The following CNTNAP2 variants were observed in gnomAD, a reference collection of about 807,000 sequenced individuals.
The protein encoded by CNTNAP2 is contactin-associated protein-like 2.
CNTNAP2 carries 98 observed loss-of-function variants against 155.2 expected under a neutral mutation model. That is an observed-to-expected ratio of 0.63 (90% CI 0.54 to 0.75). The LOEUF is 0.75. CNTNAP2 is among the 30% of genes least tolerant of loss of function. The pLI is 0.00. For synonymous variants in CNTNAP2, 651 were observed against 631.2 expected, an observed-to-expected ratio of 1.03 and a Z score of -0.47; for missense variants, 1,727 against 1,688.1, an observed-to-expected ratio of 1.02 and a Z score of -0.40.
intron 1 of CNTNAP2, among the ~76,000 whole-genome samples, chr7:146,487,981 A>G (rs1046850805): frequency 6.6e-6 from 1 of 152,206 alleles, no homozygotes; most frequent in African/African-American, 2.4e-5. Flanking sequence ...AAGTCTGAGA[A>G]GTGTTAAGAA....
chr7:147,003,882 A>C (rs1217598052), intron 3 of CNTNAP2, among the ~76,000 whole-genome samples: 1 of 151,944 alleles, frequency 6.6e-6, no homozygotes, highest in Non-Finnish European at 1.5e-5. Context: ...TTTTTTAAAA[A>C]TTATCCAGGC....
chr7:147,640,010 A>C (rs969254221), intron 13 of CNTNAP2, among the ~76,000 whole-genome samples: 3 of 151,592 alleles, frequency 2.0e-5, no homozygotes, highest in African/African-American at 7.3e-5. Flanking sequence ...TCTGTAGTAA[A>C]ACACAGTGGA....
chr7:147,945,902 T>C (rs925377280), intron 14 of CNTNAP2, among the ~76,000 whole-genome samples: 12 of 144,600 alleles, frequency 8.3e-5, no homozygotes, highest in Non-Finnish European at 1.2e-4. Flanking sequence ...AGTCTTACTC[T>C]GTCGCCCCAG....
At chr7:146,429,179 GTTC>G (rs1284141184) in intron 1 of CNTNAP2, among the ~76,000 whole-genome samples, 1 of 152,022 alleles carries the variant, frequency 6.6e-6, no homozygotes, top group Non-Finnish European at 1.5e-5. Context: ...CTCCATCATT[GTTC>G]TTTTTGCTTG....
chr7:146,862,024 C>T (rs1795111790), intron 3 of CNTNAP2, among the ~76,000 whole-genome samples: 1 of 152,004 alleles, frequency 6.6e-6, no homozygotes, highest in African/African-American at 2.4e-5. Flanking sequence ...GGTTCATCCT[C>T]TTGTATAAAG....
intron 1 of CNTNAP2, among the ~76,000 whole-genome samples, chr7:146,551,138 A>G (rs1798115382): frequency 6.6e-6 from 1 of 152,124 alleles, no homozygotes. Context: ...AGCTGGTATA[A>G]GGAAATTCTG....
At chr7:148,162,061 C>T (rs1390366645) in intron 17 of CNTNAP2, among the ~76,000 whole-genome samples, 1 of 152,078 alleles carries the variant, frequency 6.6e-6, no homozygotes, top group Non-Finnish European at 1.5e-5. Flanking sequence ...GAACAGGGTG[C>T]CAGCTTGGAT....
rs35453952 is a variant in CNTNAP2, at chr7:147,047,275, ATTT to A, written c.550+3238_550+3240del. Among the ~76,000 whole-genome samples, 719 of 111,386 alleles carry A rather than the reference ATTT, an allele frequency of 6.5e-3. 10 individuals are homozygous for A. The highest frequency in any genetic ancestry group is 0.024 in the African/African-American group (670 of 27,392). The allele number at this position is 111,386 out of a possible 152,430, so 73.1% of individuals were successfully genotyped here. ...AGGTGACCACCACCACGCCCGGCTA[ATTT>A]TTTTTTTTTTTTTTTTGTATTTTTA... On this transcript the variant is annotated intron_variant, in intron 4 of 23. Transcript: ENST00000361727.
At chr7:147,643,000 G>A (rs536945701) in intron 13 of CNTNAP2, among the ~76,000 whole-genome samples, 1 of 152,150 alleles carries the variant, frequency 6.6e-6, no homozygotes, top group Admixed American at 6.5e-5. Flanking sequence ...TTTTTAGGTT[G>A]CTTGTCAAAA....
At chr7:146,594,433 T>TGC in intron 1 of CNTNAP2, among the ~76,000 whole-genome samples, 1 of 149,458 alleles carries the variant, frequency 6.7e-6, no homozygotes, top group South Asian at 2.1e-4. Context: ...TACTAGTGTT[T>TGC]ACACACACAC....
chr7:146,534,547 T>C (rs1400586730), intron 1 of CNTNAP2, among the ~76,000 whole-genome samples: 1 of 152,094 alleles, frequency 6.6e-6, no homozygotes. Flanking sequence ...CGTAGAAAAG[T>C]TTTGTTTATC....
At chr7:146,124,033 G>A (rs1252070034) in intron 1 of CNTNAP2, among the ~76,000 whole-genome samples, 2 of 152,124 alleles carry the variant, frequency 1.3e-5, no homozygotes, top group East Asian at 3.9e-4. Context: ...TCACTCATAA[G>A]TGGGAGTTGA....
chr7:147,710,830 A>G (rs147378722), intron 13 of CNTNAP2, among the ~76,000 whole-genome samples: 1 of 152,272 alleles, frequency 6.6e-6, no homozygotes, highest in African/African-American at 2.4e-5. Flanking sequence ...GTGGTTGTGG[A>G]CATGCTTCTT....
At chr7:147,387,818 G>GT (rs1796648546) in intron 9 of CNTNAP2, among the ~76,000 whole-genome samples, 2 of 152,068 alleles carry the variant, frequency 1.3e-5, no homozygotes, top group African/African-American at 4.8e-5. Context: ...TGGTTTATGA[G>GT]TTTTTTAAAA....
At chr7:146,735,501 G>A (rs1801598204) in intron 1 of CNTNAP2, among the ~76,000 whole-genome samples, 1 of 152,116 alleles carries the variant, frequency 6.6e-6, no homozygotes, top group Non-Finnish European at 1.5e-5. Flanking sequence ...CTTGCAGTGA[G>A]CCGAGATAGC....
At chr7:148,394,570 G>T (rs1050979583) in intron 22 of CNTNAP2, among the ~76,000 whole-genome samples, 2 of 152,134 alleles carry the variant, frequency 1.3e-5, no homozygotes, top group Non-Finnish European at 2.9e-5. Flanking sequence ...TGGGATTAAG[G>T]TTTATGTATA....
chr7:147,811,092 T>C (rs951928167), intron 13 of CNTNAP2, among the ~76,000 whole-genome samples: 8 of 152,128 alleles, frequency 5.3e-5, no homozygotes, highest in Non-Finnish European at 1.0e-4. Flanking sequence ...CTTTGGGGGT[T>C]GTGTTCATTT....
intron 23 of CNTNAP2, 99 bp from the exon 24 acceptor site, chr7:148,415,318 G>A: frequency 2.5e-6 from 3 of 1,210,486 alleles, no homozygotes; most frequent in South Asian, 2.5e-5. Flanking sequence ...TTTTATATGG[G>A]AGAGGGCTGT....
At chr7:146,513,787 C>A (rs888637585) in intron 1 of CNTNAP2, among the ~76,000 whole-genome samples, 1 of 151,870 alleles carries the variant, frequency 6.6e-6, no homozygotes, top group Non-Finnish European at 1.5e-5. Context: ...TGAGTCTATA[C>A]ATTAAGATGT....
Sources: allele counts gnomAD v4.1 joint callset (sites outside exome capture counted in the v4.1 genomes callset), GRCh38; gene constraint gnomAD v4.1.1; transcripts MANE v1.5; gene names NCBI Gene and HGNC (gene_info 2026-07-23, HGNC 2026-07-21).